MARCHF1: variants seen among roughly 807,000 people sequenced by gnomAD.
The protein encoded by MARCHF1 is E3 ubiquitin-protein ligase MARCHF1.
MARCHF1 carries 40 observed loss-of-function variants against 54.2 expected under a neutral mutation model. The observed-to-expected ratio is 0.74, with a 90% CI of 0.57 to 0.96. MARCHF1 has a LOEUF of 0.96. Among genes scored for constraint, MARCHF1 ranks in the 40% least tolerant of loss-of-function variants. The probability of loss-of-function intolerance (pLI) is 0.00; values close to 1 mark genes in which losing one functional copy is unlikely to be tolerated. For missense variants in MARCHF1, 586 were observed against 656.5 expected (o/e 0.89, Z 1.17); for synonymous variants, 236 against 236.3 (o/e 1.00, Z 0.01).
intron 1 of MARCHF1, among the ~76,000 whole-genome samples, chr4:164,194,377 G>A (rs769521089): frequency 7.9e-5 from 12 of 152,128 alleles, no homozygotes; most frequent in Non-Finnish European, 1.5e-5. Context: ...TGACTTCACT[G>A]GGAGCATAAT....
chr4:164,316,638 A>T (rs891623935), intron 1 of MARCHF1, among the ~76,000 whole-genome samples: 4 of 152,220 alleles, frequency 2.6e-5, no homozygotes, highest in Non-Finnish European at 4.4e-5. Flanking sequence ...AGAGAACCAA[A>T]GAATATATTT....
intron 3 of MARCHF1, among the ~76,000 whole-genome samples, chr4:163,871,480 G>C (rs934610565): frequency 6.6e-6 from 1 of 152,154 alleles, no homozygotes; most frequent in African/African-American, 2.4e-5. Context: ...TAAGGGTGCT[G>C]TGTGGGGTTC....
chr4:163,776,562 A>G (rs927792985), intron 4 of MARCHF1, among the ~76,000 whole-genome samples: 1 of 151,984 alleles, frequency 6.6e-6, no homozygotes, highest in Non-Finnish European at 1.5e-5. Flanking sequence ...GCCTTTGGTA[A>G]TATACTTGGT....
chr4:163,695,273 G>A (rs1468361537), intron 5 of MARCHF1, among the ~76,000 whole-genome samples: 1 of 152,124 alleles, frequency 6.6e-6, no homozygotes, highest in Non-Finnish European at 1.5e-5. Flanking sequence ...AATATGGAGA[G>A]ATGAAGATTT....
At chr4:164,058,767 A>G (rs763933916) in intron 2 of MARCHF1, among the ~76,000 whole-genome samples, 4 of 152,142 alleles carry the variant, frequency 2.6e-5, no homozygotes, top group Non-Finnish European at 4.4e-5. Context: ...GTGGAAAACC[A>G]TGGTGGAAAG....
At chr4:163,715,834 T>G (rs1463046071) in intron 4 of MARCHF1, among the ~76,000 whole-genome samples, 1 of 152,162 alleles carries the variant, frequency 6.6e-6, no homozygotes, top group East Asian at 1.9e-4. Context: ...ACAAGCAGAT[T>G]TTTAAAAAAC....
intron 1 of MARCHF1, among the ~76,000 whole-genome samples, chr4:164,358,935 G>A (rs1455413846): frequency 6.6e-6 from 1 of 151,964 alleles, no homozygotes; most frequent in Non-Finnish European, 1.5e-5. Context: ...TATTTTTATA[G>A]CAATGATGTT....
Position 164,111,266 on chromosome 4 carries a change from A to G in MARCHF1, c.-248+322T>C, listed in dbSNP as rs568738665. Among the ~76,000 whole-genome samples the G allele has an allele frequency of 2.0e-3, 310 of 151,886 alleles. 1 individual carries two copies. The highest frequency in any genetic ancestry group is 7.2e-3 in the African/African-American group (300 of 41,530). ...ATTTGTTCACTGAAACGGAGGTACTATAATTACCTATATATTTGCCAAGGT... is the reference window on the plus strand; with the variant it reads ...ATTTGTTCACTGAAACGGAGGTACTGTAATTACCTATATATTTGCCAAGGT... On this transcript the variant is annotated intron_variant, in intron 2 of 9. Transcript: ENST00000514618.
chr4:164,357,102 C>T (rs1176005092), intron 1 of MARCHF1, among the ~76,000 whole-genome samples: 1 of 136,386 alleles, frequency 7.3e-6, no homozygotes, highest in Non-Finnish European at 1.6e-5. Flanking sequence ...CACCCCTGAA[C>T]TTAAGTTTTT....
At chr4:163,685,368 C>T (rs1289782851) in intron 5 of MARCHF1, among the ~76,000 whole-genome samples, 10 of 152,264 alleles carry the variant, frequency 6.6e-5, no homozygotes, top group African/African-American at 2.2e-4. Context: ...TCTCAAGAAA[C>T]CCAAATAGTT....
At chr4:164,290,989 A>C (rs1411144818) in intron 1 of MARCHF1, among the ~76,000 whole-genome samples, 1 of 151,908 alleles carries the variant, frequency 6.6e-6, no homozygotes, top group Non-Finnish European at 1.5e-5. Flanking sequence ...TTTTAAAGTA[A>C]ACATGTTTTT....
chr4:163,772,165 A>G (rs1343004419), intron 4 of MARCHF1, among the ~76,000 whole-genome samples: 2 of 152,132 alleles, frequency 1.3e-5, no homozygotes, highest in East Asian at 3.9e-4. Flanking sequence ...GTATCTTAGT[A>G]CCCAGCATAT....
intron 3 of MARCHF1, among the ~76,000 whole-genome samples, chr4:163,975,617 A>G (rs1752635512): frequency 1.3e-5 from 2 of 152,190 alleles, no homozygotes; most frequent in Admixed American, 1.3e-4. Flanking sequence ...AAATCAAGGG[A>G]TTGGCTTTAT....
intron 2 of MARCHF1, among the ~76,000 whole-genome samples, chr4:164,022,976 C>T (rs1456077171): frequency 6.6e-6 from 1 of 152,216 alleles, no homozygotes; most frequent in Non-Finnish European, 1.5e-5. Context: ...GAGCATCATT[C>T]ACAGGGTCCA....
intron 1 of MARCHF1, among the ~76,000 whole-genome samples, chr4:164,350,624 A>G (rs534485126): frequency 6.5e-4 from 99 of 152,310 alleles, no homozygotes; most frequent in African/African-American, 2.1e-3. Flanking sequence ...ATAAATATGT[A>G]CAATTATTTC....
chr4:164,164,797 G>A (rs772951323), intron 1 of MARCHF1, among the ~76,000 whole-genome samples: 4 of 151,894 alleles, frequency 2.6e-5, no homozygotes, highest in African/African-American at 4.8e-5. Flanking sequence ...ATACATATCC[G>A]GAAGTTATTA....
chr4:164,152,004 T>C (rs916131962), intron 1 of MARCHF1, among the ~76,000 whole-genome samples: 3 of 152,166 alleles, frequency 2.0e-5, no homozygotes, highest in African/African-American at 4.8e-5. Flanking sequence ...ATTTATTCTA[T>C]ATATTTAGTG....
At chr4:163,599,297 T>TTATATATATATATATATATGTATA (rs150458467) in intron 7 of MARCHF1, among the ~76,000 whole-genome samples, 109 of 146,756 alleles carry the variant, frequency 7.4e-4, no homozygotes, top group African/African-American at 2.7e-3. Context: ...CTCAAAAAAA[T>TTATATATATATATATATATGTATA]TATATATATA....
At chr4:163,861,888 A>C (rs1267858044) in intron 3 of MARCHF1, among the ~76,000 whole-genome samples, 1 of 152,056 alleles carries the variant, frequency 6.6e-6, no homozygotes, top group Non-Finnish European at 1.5e-5. Context: ...ATATAAGACA[A>C]TAAAACAGAG....
Sources: allele counts gnomAD v4.1 joint callset (sites outside exome capture counted in the v4.1 genomes callset), GRCh38; gene constraint gnomAD v4.1.1; transcripts MANE v1.5; gene names NCBI Gene and HGNC (gene_info 2026-07-23, HGNC 2026-07-21).